The following UBA5 variants were observed in gnomAD, a reference collection of about 807,000 sequenced individuals.
UBA5 encodes the protein ubiquitin-like modifier-activating enzyme 5.
A neutral mutation model predicts 52.9 loss-of-function variants in UBA5; 28 were observed. The ratio of observed to expected loss-of-function variants is 0.53; its 90% CI spans 0.39 to 0.73. The LOEUF (loss-of-function observed/expected upper bound fraction) is 0.73. UBA5 is among the 30% of genes least tolerant of loss of function. The pLI is 0.00. For missense variants in UBA5, 388 were observed against 492.7 expected, an observed-to-expected ratio of 0.79 and a Z score of 2.01; for synonymous variants, 135 against 162.1, an observed-to-expected ratio of 0.83 and a Z score of 1.27.
intron 9 of UBA5, 29 bp from the exon 10 acceptor site, chr3:132,675,576 A>C: frequency 6.3e-7 from 1 of 1,593,814 alleles, no homozygotes; most frequent in Non-Finnish European, 8.6e-7. Flanking sequence ...AATGAGTAAG[A>C]ACACTTTGAT....
chr3:132,665,427 G>A (rs1388579949), intron 1 of UBA5, among the ~76,000 whole-genome samples: 1 of 152,092 alleles, frequency 6.6e-6, no homozygotes, highest in Non-Finnish European at 1.5e-5. Context: ...GAGGCAACAA[G>A]AGAATGGAAT....
At position 132,660,775 on chromosome 3, in the gene UBA5, C is replaced by T. The variant is rs1292401278; in HGVS notation, c.161+77C>T. ...GTGAGGTCAGAAGTGAGGCGCTTCC[C>T]ACGTCCCGCTCATGGGGACGCCCGC... On this transcript the variant is annotated intron_variant, in intron 1 of 11. Coordinates refer to ENST00000356232, the MANE Select transcript of UBA5 (RefSeq NM_024818.6). The surrounding 1 kb of genome is among the most constrained non-coding windows in gnomAD (Gnocchi z 4.1). The T allele has an allele frequency of 3.4e-6, 5 of 1,453,348 alleles. No homozygotes were observed. Among genetic ancestry groups the T allele is most frequent in the Non-Finnish European group, 4.5e-6 (5 of 1,099,876 alleles). The allele number at this position is 1,453,348 out of a possible 1,614,324, so 90.0% of individuals were successfully genotyped here. A position where few individuals can be genotyped will look rare whatever the true frequency, so the allele number is the denominator to read the frequency against.
upstream of UBA5, among the ~76,000 whole-genome samples, chr3:132,657,086 G>A (rs1443102559): frequency 1.3e-5 from 2 of 151,950 alleles, no homozygotes; most frequent in Admixed American, 1.3e-4. Context: ...CTTCTCTAAA[G>A]TCAAAAATAT....
At chr3:132,669,198 T>A (rs950622047) in intron 4 of UBA5, among the ~76,000 whole-genome samples, 6 of 152,220 alleles carry the variant, frequency 3.9e-5, no homozygotes, top group Non-Finnish European at 5.9e-5. Flanking sequence ...AATGAGCATG[T>A]CTGTGCTCCA....
upstream of UBA5, among the ~76,000 whole-genome samples, chr3:132,658,714 C>T (rs930739041): frequency 6.6e-6 from 1 of 152,018 alleles, no homozygotes; most frequent in Non-Finnish European, 1.5e-5. Context: ...TGATCCATCT[C>T]ATTTATTATT....
intron 4 of UBA5, among the ~76,000 whole-genome samples, chr3:132,669,621 T>TA (rs1472767865): frequency 6.6e-6 from 1 of 152,000 alleles, no homozygotes; most frequent in African/African-American, 2.4e-5. Flanking sequence ...CCCAACCACT[T>TA]AAAAATGAAA....
Position 132,676,687 on chromosome 3 carries a change from C to T in UBA5, c.*161C>T, listed in dbSNP as rs557828460. 9 of 614,696 alleles carry T rather than the reference C, an allele frequency of 1.5e-5. No homozygotes were observed. The highest frequency in any genetic ancestry group is 5.1e-5 in the Admixed American group (2 of 39,192). The allele number at this position is 614,696 out of a possible 1,614,324, so 38.1% of individuals were successfully genotyped here. Reference sequence around the variant, plus strand: ...ATCCTGTGACTTGCCTGTTTCTCCCCGCTCCAACGAAATCATTAACTCTCC... The same window carrying T: ...ATCCTGTGACTTGCCTGTTTCTCCCTGCTCCAACGAAATCATTAACTCTCC... On this transcript the variant is annotated 3_prime_UTR_variant, in exon 12 of 12. Coordinates refer to ENST00000356232, the MANE Select transcript of UBA5 (RefSeq NM_024818.6). The surrounding 1 kb of genome is among the most constrained non-coding windows in gnomAD (Gnocchi z 4.1).
In UBA5 at chr3:132,675,681, G is replaced by A. The variant is rs1340518222; in HGVS notation, c.1024+1G>A. On this transcript the variant is annotated splice_donor_variant, in intron 10 of 11. Transcript: ENST00000356232. LOFTEE classifies it high-confidence loss of function. ...ATAATCCATGAAGATAATGAATGGG[G>A]TAGGTATTCTTTTATAAATTGAAAT... 1.9e-6 allele frequency: 3 copies of A among 1,604,084 alleles called. No individual in the cohort carries two copies. Among genetic ancestry groups the A allele is most frequent in the East Asian group, 2.2e-5 (1 of 44,730 alleles).
Position 132,677,009 on chromosome 3 carries a change from C to A in UBA5, c.*483C>A. The stretch of plus-strand genomic sequence containing the variant: ...TTGCTTTCTATAAGAAAATTGCCCA[C>A]TACTACTAACTTGATCAACAATGAA... On this transcript the variant is annotated 3_prime_UTR_variant, in exon 12 of 12. Coordinates refer to ENST00000356232, the MANE Select transcript of UBA5 (RefSeq NM_024818.6). 2.9e-6 allele frequency: 1 copy of A among 340,592 alleles called. No homozygotes were observed. The highest frequency in any genetic ancestry group is 6.0e-6 in the Non-Finnish European group (1 of 167,986). The allele number at this position is 340,592 out of a possible 1,614,324, so 21.1% of individuals were successfully genotyped here. A position where few individuals can be genotyped will look rare whatever the true frequency, so the allele number is the denominator to read the frequency against.
At chr3:132,665,442 G>C (rs1005260215) in intron 1 of UBA5, among the ~76,000 whole-genome samples, 2 of 152,070 alleles carry the variant, frequency 1.3e-5, no homozygotes, top group Admixed American at 1.3e-4. Flanking sequence ...TGGAATTCCA[G>C]CCATGAATTT....
upstream of UBA5, chr3:132,659,582 G>C (rs770390285): frequency 1.2e-6 from 2 of 1,607,298 alleles, no homozygotes; most frequent in Non-Finnish European, 1.7e-6. Flanking sequence ...TTCCGCTGGA[G>C]GCAAAGGCTG....
At position 132,668,966 on chromosome 3, in the gene UBA5, T is replaced by A. The variant is rs777899489; in HGVS notation, c.407+39T>A. ...CAATCAAGTACCATATTCAGTGAAATCTTACTTTATGTATTTGATATGAGT... is the reference window on the plus strand; with the variant it reads ...CAATCAAGTACCATATTCAGTGAAAACTTACTTTATGTATTTGATATGAGT... On this transcript the variant is annotated intron_variant, in intron 4 of 11. Coordinates refer to ENST00000356232, the MANE Select transcript of UBA5 (RefSeq NM_024818.6). 4 of 1,332,414 alleles carry A rather than the reference T, an allele frequency of 3.0e-6. No individual in the cohort carries two copies. In the East Asian group the frequency reaches 9.3e-5, roughly 31 times the overall value. The allele number at this position is 1,332,414 out of a possible 1,614,324, so 82.5% of individuals were successfully genotyped here.
chr3:132,670,062 C>A, intron 4 of UBA5, 136 bp from the exon 5 acceptor site: 1 of 579,428 alleles, frequency 1.7e-6, no homozygotes, highest in Non-Finnish European at 3.1e-6. Flanking sequence ...CTCACTCTGT[C>A]CCCCAGGTTG....
upstream of UBA5, among the ~76,000 whole-genome samples, chr3:132,656,343 T>C (rs1937799179): frequency 6.6e-6 from 1 of 152,202 alleles, no homozygotes; most frequent in African/African-American, 2.4e-5. Context: ...AGTATGTATC[T>C]ATGAGTAGAA....
upstream of UBA5, among the ~76,000 whole-genome samples, chr3:132,655,676 T>A (rs1480490107): frequency 6.6e-6 from 1 of 152,228 alleles, no homozygotes; most frequent in Non-Finnish European, 1.5e-5. Flanking sequence ...ATGTTACATA[T>A]CAACTTCTAC....
rs758372365 is a variant in UBA5 at position 132,675,858 on chromosome 3, A to C, written c.1066A>C (p.Asn356His). The change falls in exon 11 of 12, where the codon AAT becomes CAT. Residue 356 changes from asparagine (N) to histidine (H), a missense_variant. Physicochemically the swap from Asn to His is moderately conservative, Grantham distance 68 (BLOSUM62 1). Coordinates refer to ENST00000356232, the MANE Select transcript of UBA5 (RefSeq NM_024818.6). Reference protein sequence around the residue: ...VSEVSEEELKNFSGPVPDLPE... With the variant: ...VSEVSEEELKHFSGPVPDLPE... ...TGAGGTTTCAGAAGAGGAACTGAAA[A>C]ATTTTTCAGGTCCAGTTCCAGACTT... The C allele has an allele frequency of 2.5e-5, 40 of 1,611,642 alleles. No individual in the cohort carries two copies. The highest frequency in any genetic ancestry group is 4.2e-6 in the Non-Finnish European group (5 of 1,179,278).
intron 1 of UBA5, among the ~76,000 whole-genome samples, chr3:132,664,486 G>A (rs2107929324): frequency 6.6e-6 from 1 of 152,268 alleles, no homozygotes; most frequent in East Asian, 1.9e-4. Flanking sequence ...CACAGCAAGA[G>A]AGTAAGTTTA....
At chr3:132,655,801 T>G (rs1168150909), upstream of UBA5, among the ~76,000 whole-genome samples, 2 of 152,256 alleles carry the variant, frequency 1.3e-5, no homozygotes, top group Non-Finnish European at 2.9e-5. Flanking sequence ...CAGATACATA[T>G]TAGGCACTCA....
chr3:132,675,836 G>C lies in UBA5; in HGVS notation c.1044G>C (p.Glu348Asp), dbSNP rs754036932. 1 of 1,611,266 alleles carries C rather than the reference G, an allele frequency of 6.2e-7. No individual in the cohort carries two copies. The highest frequency in any genetic ancestry group is 1.1e-5 in the South Asian group (1 of 90,614). The change falls in exon 11 of 12, where the codon GAG becomes GAC. Residue 348 changes from glutamate to aspartate, a missense_variant. Glu to Asp is a conservative substitution (Grantham distance 45). Transcript: ENST00000356232. ...DNEWGIELVS[E>D]VSEEELKNFS... is the part of the protein sequence containing the mutation. Reference sequence around the variant, plus strand: ...TTACAGGTATTGAGCTGGTATCTGAGGTTTCAGAAGAGGAACTGAAAAATT... The same window carrying C: ...TTACAGGTATTGAGCTGGTATCTGACGTTTCAGAAGAGGAACTGAAAAATT...
Sources: allele counts gnomAD v4.1 joint callset (sites outside exome capture counted in the v4.1 genomes callset), GRCh38; gene constraint gnomAD v4.1.1; non-coding constraint Gnocchi (gnomAD v3.1); transcripts MANE v1.5; gene names NCBI Gene and HGNC (gene_info 2026-07-23, HGNC 2026-07-21).